ADAMTSL3: variants seen among roughly 807,000 people sequenced by gnomAD.
ADAMTSL3 encodes ADAMTS like 3.
ADAMTSL3 carries 128 observed loss-of-function variants against 201.7 expected under a neutral mutation model. The ratio of observed to expected loss-of-function variants is 0.63; its 90% CI spans 0.55 to 0.73. The LOEUF (loss-of-function observed/expected upper bound fraction) is 0.73. ADAMTSL3 is among the 30% of genes least tolerant of loss of function. The pLI is 0.00. For missense variants in ADAMTSL3, 1,990 were observed against 2,119.6 expected (o/e 0.94, Z 1.20); for synonymous variants, 738 against 748.4 (o/e 0.99, Z 0.23).
chr15:83,662,993 C>T (rs974944418), intron 2 of ADAMTSL3, among the ~76,000 whole-genome samples: 37 of 152,166 alleles, frequency 2.4e-4, no homozygotes, highest in Admixed American at 1.3e-4. Context: ...AGTCCAGCTT[C>T]AGCTTGCCAC....
chr15:83,880,330 T>C (rs966348189), intron 9 of ADAMTSL3, among the ~76,000 whole-genome samples: 1 of 152,172 alleles, frequency 6.6e-6, no homozygotes, highest in Admixed American at 6.5e-5. Context: ...TTTGCTCAGG[T>C]GTGTCTGATT....
intron 17 of ADAMTSL3, among the ~76,000 whole-genome samples, chr15:83,924,705 G>T (rs2066215690): frequency 6.6e-6 from 1 of 152,166 alleles, no homozygotes; most frequent in African/African-American, 2.4e-5. Context: ...TGGTGCTGCT[G>T]GCTACAGAGG....
chr15:83,812,493 C>T (rs1161246177), intron 5 of ADAMTSL3, among the ~76,000 whole-genome samples: 6 of 152,206 alleles, frequency 3.9e-5, no homozygotes, highest in African/African-American at 1.4e-4. Flanking sequence ...CTTCCAGGAC[C>T]GTAAAAGCCC....
intron 10 of ADAMTSL3, among the ~76,000 whole-genome samples, chr15:83,886,690 C>G (rs1449115981): frequency 6.6e-6 from 1 of 152,186 alleles, no homozygotes; most frequent in Non-Finnish European, 1.5e-5. Flanking sequence ...ATCCTTGAAG[C>G]CTACCGCATA....
At chr15:83,924,907 A>G (rs533089573) in intron 17 of ADAMTSL3, among the ~76,000 whole-genome samples, 1 of 152,176 alleles carries the variant, frequency 6.6e-6, no homozygotes, top group Non-Finnish European at 1.5e-5. Context: ...TGCCCCGCTA[A>G]TGAAATCCTT....
At chr15:83,966,817 A>C (rs1384635693) in intron 19 of ADAMTSL3, among the ~76,000 whole-genome samples, 1 of 152,202 alleles carries the variant, frequency 6.6e-6, no homozygotes, top group East Asian at 1.9e-4. Context: ...GCAGCACATC[A>C]AAAAGATTAT....
intron 2 of ADAMTSL3, among the ~76,000 whole-genome samples, chr15:83,658,874 T>C (rs1006591490): frequency 4.6e-5 from 7 of 152,164 alleles, no homozygotes; most frequent in African/African-American, 1.7e-4. Flanking sequence ...CCCTTTTTTT[T>C]CTCTTGCCCA....
chr15:83,895,392 A>T (rs889236813), intron 13 of ADAMTSL3, among the ~76,000 whole-genome samples: 1 of 152,164 alleles, frequency 6.6e-6, no homozygotes, highest in African/African-American at 2.4e-5. Flanking sequence ...TGTTGGCTTT[A>T]GAGCTTTTAT....
At chr15:83,695,470 C>G (rs139015897) in intron 2 of ADAMTSL3, among the ~76,000 whole-genome samples, 3 of 152,120 alleles carry the variant, frequency 2.0e-5, no homozygotes, top group Non-Finnish European at 4.4e-5. Context: ...TCGCAAGGCC[C>G]TGCCCACCTC....
At chr15:83,712,191 C>T (rs528242211) in intron 3 of ADAMTSL3, among the ~76,000 whole-genome samples, 1 of 152,094 alleles carries the variant, frequency 6.6e-6, no homozygotes, top group African/African-American at 2.4e-5. Context: ...TCCTCTCCAC[C>T]ATCTCCTCTC....
chr15:83,872,627 C>CACACACACACACACACACACACACAG (rs6145659), intron 9 of ADAMTSL3, among the ~76,000 whole-genome samples: 1,435 of 140,962 alleles, frequency 0.01, 19 homozygotes, highest in Non-Finnish European at 0.013. Flanking sequence ...CACACACACA[C>CACACACACACACACACACACACACAG]AGAGTTTTTG....
At chr15:84,005,582 C>G (rs1440996047) in intron 23 of ADAMTSL3, among the ~76,000 whole-genome samples, 1 of 152,196 alleles carries the variant, frequency 6.6e-6, no homozygotes, top group Non-Finnish European at 1.5e-5. Context: ...AGGACAATAT[C>G]CAGCAGTGAA....
At position 83,681,617 on chromosome 15, in the gene ADAMTSL3, T is replaced by C. The variant is rs115784400; in HGVS notation, c.70-22772T>C. 1.8e-3 allele frequency among the ~76,000 whole-genome samples: 281 copies of C among 152,364 alleles called. 1 individual carries two copies. The highest frequency in any genetic ancestry group is 6.6e-3 in the African/African-American group (275 of 41,592). On this transcript the variant is annotated intron_variant, in intron 2 of 29. Coordinates refer to ENST00000286744, the MANE Select transcript of ADAMTSL3 (RefSeq NM_207517.3). The stretch of plus-strand genomic sequence containing the variant: ...GACATTTCTCTGATTGGTTAGTGCC[T>C]GTGGATTAAATAGTTTGAATAGCAC...
In ADAMTSL3 at chr15:83,988,790, T is replaced by A. The variant is rs2067529553; in HGVS notation, c.3816T>A (p.Asp1272Glu). 1 of 1,604,508 alleles carries A rather than the reference T, an allele frequency of 6.2e-7. No homozygotes were observed. ...CTGTAGCTAATCATCTTGGTTCAGATGTGGAAAGTTCTTCTGTGCTGTATG... is the reference window on the plus strand; with the variant it reads ...CTGTAGCTAATCATCTTGGTTCAGAAGTGGAAAGTTCTTCTGTGCTGTATG... ...ECSVANHLGS[D>E]VESSSVLYAE... is the part of the protein sequence containing the mutation. The change falls in exon 22 of 30, where the codon GAT becomes GAA. Residue 1272 changes from aspartate (D) to glutamate (E), a missense_variant. Asp to Glu is a conservative substitution (Grantham distance 45). Coordinates refer to ENST00000286744, the MANE Select transcript of ADAMTSL3 (RefSeq NM_207517.3).
chr15:83,709,124 T>C (rs2061897460), intron 3 of ADAMTSL3, among the ~76,000 whole-genome samples: 1 of 152,220 alleles, frequency 6.6e-6, no homozygotes. Flanking sequence ...GATTAATGGA[T>C]GCCTTATCAG....
At chr15:83,912,726 G>T (rs2065954926) in intron 15 of ADAMTSL3, among the ~76,000 whole-genome samples, 1 of 151,970 alleles carries the variant, frequency 6.6e-6, no homozygotes, top group Non-Finnish European at 1.5e-5. Flanking sequence ...AATAAATATT[G>T]GTGAAAATCT....
At chr15:83,833,297 G>A (rs2064193777) in intron 6 of ADAMTSL3, among the ~76,000 whole-genome samples, 1 of 152,148 alleles carries the variant, frequency 6.6e-6, no homozygotes, top group Admixed American at 6.5e-5. Flanking sequence ...CAAAGTGCTG[G>A]CAGATTCAGT....
intron 25 of ADAMTSL3, 66 bp downstream of exon 25, chr15:84,016,565 A>G (rs1278625670): frequency 4.6e-6 from 6 of 1,317,914 alleles, no homozygotes; most frequent in Non-Finnish European, 6.5e-6. Flanking sequence ...GGATTTAGCT[A>G]AAAGACCATC....
intron 2 of ADAMTSL3, among the ~76,000 whole-genome samples, chr15:83,667,861 G>A (rs1019864927): frequency 8.6e-5 from 13 of 152,042 alleles, no homozygotes; most frequent in Non-Finnish European, 1.8e-4. Context: ...GGGTGGGTGG[G>A]TGGAAGAGCA....
Sources: gnomAD v4.1 joint callset for allele counts (sites outside exome capture counted in the v4.1 genomes callset) on GRCh38, gnomAD v4.1.1 for gene constraint, MANE v1.5 for transcripts, NCBI Gene and HGNC (gene_info 2026-07-23, HGNC 2026-07-21) for gene names.